The following RHOA variants were observed in gnomAD, a reference collection of about 807,000 sequenced individuals.
The protein encoded by RHOA is ras homolog family member A, also known as transforming protein RhoA.
In RHOA, 3 loss-of-function variants were observed where a neutral mutation model predicts 17.5. The ratio of observed to expected loss-of-function variants is 0.17; its 90% CI spans 0.08 to 0.44. The LOEUF (loss-of-function observed/expected upper bound fraction) is 0.44. Among genes scored for constraint, RHOA ranks in the 20% least tolerant of loss-of-function variants. RHOA has a pLI of 0.99. For missense variants in RHOA, 56 were observed against 242.3 expected, an observed-to-expected ratio of 0.23 and a Z score of 5.10; for synonymous variants, 98 against 88.4, an observed-to-expected ratio of 1.11 and a Z score of -0.61.
chr3:49,382,211 C>T (rs984725755), intron 1 of RHOA, among the ~76,000 whole-genome samples: 4 of 151,472 alleles, frequency 2.6e-5, no homozygotes, highest in African/African-American at 9.7e-5. Flanking sequence ...TCCAGCTACT[C>T]AGGAGGCTGA....
intron 1 of RHOA, among the ~76,000 whole-genome samples, chr3:49,405,153 G>C (rs1380847809): frequency 2.0e-5 from 3 of 149,982 alleles, no homozygotes; most frequent in African/African-American, 7.4e-5. Context: ...AGCTACTCAG[G>C]AGGCTGAGGA....
chr3:49,385,034 G>A (rs1382106880), intron 1 of RHOA, among the ~76,000 whole-genome samples: 1 of 150,774 alleles, frequency 6.6e-6, no homozygotes, highest in African/African-American at 2.4e-5. Flanking sequence ...CTGCACTCCA[G>A]TCTGGGTGAC....
In RHOA at chr3:49,408,260, ACG is replaced by A. The variant is rs1293595051; in HGVS notation, c.-3+3558_-3+3559del. On this transcript the variant is annotated intron_variant, in intron 1 of 4. Transcript: ENST00000418115. ...TACACGTATATGTACACATATATATACGTATACACGTATATACGTATACACAA... is the reference window on the plus strand; with the variant it reads ...TACACGTATATGTACACATATATATATATACACGTATATACGTATACACAA... Among the ~76,000 whole-genome samples the A allele has an allele frequency of 4.1e-4, 22 of 53,032 alleles. No homozygotes were observed. In the South Asian group the frequency reaches 0.034, roughly 82 times the overall value. 34.8% of individuals were successfully genotyped at this position (53,032 alleles called of 152,430 possible). A position where few individuals can be genotyped will look rare whatever the true frequency, so the allele number is the denominator to read the frequency against.
rs57354041 is a variant in RHOA at position 49,401,041 on chromosome 3, C to CAAAAAA, written c.-3+10773_-3+10778dup. On this transcript the variant is annotated intron_variant, in intron 1 of 4. Transcript: ENST00000418115. ...AGCCTGGGCGACAGAGACTCCGTCT[C>CAAAAAA]AAAAAAAAAAAAAAAAAAAAGAGTT... 3.3e-3 allele frequency among the ~76,000 whole-genome samples: 224 copies of CAAAAAA among 67,564 alleles called. 23 individuals are homozygous for CAAAAAA. Among genetic ancestry groups the CAAAAAA allele is most frequent in the African/African-American group, 7.1e-3 (132 of 18,600 alleles). 44.3% of individuals were successfully genotyped at this position (67,564 alleles called of 152,430 possible).
At chr3:49,393,310 G>C (rs1161022248) in intron 1 of RHOA, among the ~76,000 whole-genome samples, 1 of 151,978 alleles carries the variant, frequency 6.6e-6, no homozygotes, top group African/African-American at 2.4e-5. Flanking sequence ...GTGGCCTTGT[G>C]TCAACTTTTT....
intron 1 of RHOA, among the ~76,000 whole-genome samples, chr3:49,395,532 G>A (rs762267307): frequency 5.3e-5 from 8 of 152,002 alleles, no homozygotes; most frequent in Admixed American, 1.3e-4. Flanking sequence ...AGCCAACATG[G>A]TGAAACCCCA....
chr3:49,383,005 G>A lies in RHOA; in HGVS notation c.-2-7414C>T, dbSNP rs950399042. Among the ~76,000 whole-genome samples, 5 of 151,462 alleles carry A rather than the reference G, an allele frequency of 3.3e-5. No homozygotes were observed. The Admixed American group carries it at 3.3e-4, about 10-fold the overall frequency. On this transcript the variant is annotated intron_variant, in intron 1 of 4. Coordinates refer to ENST00000418115, the MANE Select transcript of RHOA (RefSeq NM_001664.4). ...GGAGGCAAAGGTTGCAGTGAGCCGA[G>A]TTAGCGCCATTGCACTCCAGCCTGG...
At chr3:49,375,751 A>G (rs1222200527) in intron 1 of RHOA, among the ~76,000 whole-genome samples, 160 bp from the exon 2 acceptor site, 1 of 152,200 alleles carries the variant, frequency 6.6e-6, no homozygotes, top group Non-Finnish European at 1.5e-5. Flanking sequence ...AAGGTTATAC[A>G]TTAAAAACTC....
chr3:49,364,088 G>A (rs1340476652), intron 3 of RHOA, among the ~76,000 whole-genome samples: 2 of 151,900 alleles, frequency 1.3e-5, no homozygotes, highest in Non-Finnish European at 2.9e-5. Flanking sequence ...AGTGGCTCAC[G>A]TCTATAATCC....
rs529885408 is a variant in RHOA at position 49,398,308 on chromosome 3, G to T, written c.-3+13512C>A. 5.3e-5 allele frequency among the ~76,000 whole-genome samples: 8 copies of T among 151,790 alleles called. No homozygotes were observed. The South Asian group carries it at 1.7e-3, about 32-fold the overall frequency. ...GGAGGTTGCTGTGAGCCTTGAGATC[G>T]CACCACTGCACTCCACCCTGGGTAA... On this transcript the variant is annotated intron_variant, in intron 1 of 4. Transcript: ENST00000418115.
chr3:49,364,132 G>A (rs1019956203), intron 3 of RHOA, among the ~76,000 whole-genome samples: 3 of 151,054 alleles, frequency 2.0e-5, no homozygotes, highest in Non-Finnish European at 3.0e-5. Context: ...GGTGGATCGC[G>A]TTAGGTCAGG....
chr3:49,390,598 T>C (rs934079785), intron 1 of RHOA, among the ~76,000 whole-genome samples: 5 of 152,156 alleles, frequency 3.3e-5, no homozygotes, highest in African/African-American at 7.2e-5. Flanking sequence ...TTACTTGGGA[T>C]GCTAGCCAGT....
chr3:49,387,443 C>T (rs1258871620), intron 1 of RHOA, among the ~76,000 whole-genome samples: 3 of 61,536 alleles, frequency 4.9e-5, no homozygotes, highest in Non-Finnish European at 6.7e-5. Context: ...GACTCCATCT[C>T]GGGGGAAAAA....
chr3:49,361,678 T>A (rs577677054), intron 4 of RHOA, among the ~76,000 whole-genome samples: 2 of 151,314 alleles, frequency 1.3e-5, no homozygotes, highest in East Asian at 3.9e-4. Flanking sequence ...GTCAGGAGTT[T>A]GAGACCAGCC....
intron 3 of RHOA, chr3:49,366,676 C>T (rs574219374): frequency 3.3e-5 from 5 of 152,252 alleles, no homozygotes; most frequent in Admixed American, 6.5e-5. Context: ...TGCTCTTTCT[C>T]TGTCCTGGGA....
At chr3:49,374,971 C>G (rs1222167665) in intron 2 of RHOA, among the ~76,000 whole-genome samples, 1 of 151,872 alleles carries the variant, frequency 6.6e-6, no homozygotes, top group Non-Finnish European at 1.5e-5. Flanking sequence ...GCAGGAGAAT[C>G]CTTTAAACCT....
chr3:49,361,784 G>A (rs965812417), intron 4 of RHOA, among the ~76,000 whole-genome samples: 6 of 152,190 alleles, frequency 3.9e-5, no homozygotes, highest in African/African-American at 1.4e-4. Flanking sequence ...GGGAGGCTGA[G>A]GCAGGAGAAT....
In RHOA at chr3:49,359,866, G is replaced by A. The variant is rs546123000; in HGVS notation, c.*343C>T. Reference sequence around the variant, plus strand: ...AGCTGACAGATAATAGGCAGGACATGTTAGTTATAAAGTAGTTACAGCCTA... The same window carrying A: ...AGCTGACAGATAATAGGCAGGACATATTAGTTATAAAGTAGTTACAGCCTA... On this transcript the variant is annotated 3_prime_UTR_variant, in exon 5 of 5. Transcript: ENST00000418115. 2.0e-3 allele frequency: 570 copies of A among 282,282 alleles called. 4 individuals are homozygous for A. The highest frequency in any genetic ancestry group is 2.9e-3 in the Non-Finnish European group (435 of 148,412). 17.5% of individuals were successfully genotyped at this position (282,282 alleles called of 1,614,324 possible). A position where few individuals can be genotyped will look rare whatever the true frequency, so the allele number is the denominator to read the frequency against.
intron 2 of RHOA, among the ~76,000 whole-genome samples, chr3:49,374,438 G>A (rs1206687933): frequency 6.6e-6 from 1 of 152,164 alleles, no homozygotes; most frequent in Non-Finnish European, 1.5e-5. Context: ...AGCACATATG[G>A]CTGGGCAAGG....
Sources: gnomAD v4.1 joint callset for allele counts (sites outside exome capture counted in the v4.1 genomes callset) on GRCh38, gnomAD v4.1.1 for gene constraint, MANE v1.5 for transcripts, NCBI Gene and HGNC (gene_info 2026-07-23, HGNC 2026-07-21) for gene names.